BEGAIN: variants seen among roughly 807,000 people sequenced by gnomAD.
The protein encoded by BEGAIN is brain-enriched guanylate kinase-associated protein.
A neutral mutation model predicts 35.8 loss-of-function variants in BEGAIN; 19 were observed. The ratio of observed to expected loss-of-function variants is 0.53; its 90% CI spans 0.37 to 0.78. The LOEUF is 0.78. Among genes scored for constraint, BEGAIN ranks in the 30% least tolerant of loss-of-function variants. The pLI, the probability that BEGAIN is intolerant of heterozygous loss-of-function variation, is 0.00. For synonymous variants in BEGAIN, 462 were observed against 388.6 expected, an observed-to-expected ratio of 1.19 and a Z score of -2.22; for missense variants, 795 against 853.6, an observed-to-expected ratio of 0.93 and a Z score of 0.85.
At chr14:100,553,641 C>T (rs1235476090) in intron 2 of BEGAIN, among the ~76,000 whole-genome samples, 3 of 152,138 alleles carry the variant, frequency 2.0e-5, no homozygotes, top group Admixed American at 2.0e-4. Flanking sequence ...GTCCCCAGGT[C>T]CTCTCCTCTG....
At position 100,573,219 on chromosome 14, in the gene BEGAIN, T is replaced by C. The variant is rs566962610; in HGVS notation, c.43-5280A>G. 2.4e-5 allele frequency among the ~76,000 whole-genome samples: 1 copy of C among 42,198 alleles called. No individual in the cohort carries two copies. 27.7% of individuals were successfully genotyped at this position (42,198 alleles called of 152,430 possible). On this transcript the variant is annotated intron_variant, in intron 1 of 6. Coordinates refer to ENST00000554140, the MANE Select transcript of BEGAIN (RefSeq NM_001385089.1). The surrounding 1 kb of genome is among the most constrained non-coding windows in gnomAD (Gnocchi z 4.2). ...TTCCGGAGGAGGGGGCTGGTGAGTC[T>C]GGGGGGAGGGGCTTCCGGAGGAGGG...
rs576411536 is a variant in BEGAIN at position 100,558,207 on chromosome 14, T to C, written c.71+9704A>G. Among the ~76,000 whole-genome samples the C allele has an allele frequency of 6.6e-6, 1 of 152,302 alleles. No individual in the cohort carries two copies. Among genetic ancestry groups the C allele is most frequent in the African/African-American group, 2.4e-5 (1 of 41,552 alleles). On this transcript the variant is annotated intron_variant, in intron 2 of 6. Coordinates refer to ENST00000554140, the MANE Select transcript of BEGAIN (RefSeq NM_001385089.1). The surrounding 1 kb of genome is among the most constrained non-coding windows in gnomAD (Gnocchi z 4.6). ...CTGATCAATGAAAGTGTCTGACCTT[T>C]CTGCCTCTGCCTCCTTACTCCTAGC... is the stretch of plus-strand genomic sequence containing the variant.
chr14:100,565,045 C>A (rs1228841080), intron 2 of BEGAIN, among the ~76,000 whole-genome samples: 1 of 152,222 alleles, frequency 6.6e-6, no homozygotes, highest in Non-Finnish European at 1.5e-5. Context: ...AACCTGGGAC[C>A]CCAGAGCATT....
chr14:100,545,952 A>G (rs778328292), intron 3 of BEGAIN: 1 of 152,428 alleles, frequency 6.6e-6, no homozygotes, highest in Admixed American at 6.5e-5. Flanking sequence ...GAGAAAGTGC[A>G]TATTACATTT....
In BEGAIN at chr14:100,537,941, A is replaced by AACC. The variant is rs754981133; in HGVS notation, c.*25_*27dup. The stretch of plus-strand genomic sequence containing the variant: ...GGGGCACGTGGGCTGGCGGGGAGCG[A>AACC]ACCACGGCCAGGCCTGCACGCAGGC... On this transcript the variant is annotated 3_prime_UTR_variant, in exon 7 of 7. Coordinates refer to ENST00000554140, the MANE Select transcript of BEGAIN (RefSeq NM_001385089.1). 2.5e-6 allele frequency: 4 copies of AACC among 1,579,916 alleles called. No individual in the cohort carries two copies. The highest frequency in any genetic ancestry group is 3.4e-6 in the Non-Finnish European group (4 of 1,164,232).
At position 100,546,601 on chromosome 14, in the gene BEGAIN, C is replaced by T. The variant is rs776623931; in HGVS notation, c.133G>A (p.Glu45Lys). The change falls in exon 3 of 7, where the codon GAG becomes AAG. Residue 45 changes from glutamate (E) to lysine (K), a missense_variant. Physicochemically the swap from Glu to Lys is moderately conservative, Grantham distance 56 (BLOSUM62 1). This residue lies in a region of BEGAIN where 58 missense variants were observed against 62.7 expected (regional missense o/e 0.92). Transcript: ENST00000554140. ...GAGTCGAACTCGGTCTCGAGCTTCT[C>T]GAGCTTGTGTGTGGTGTAGGACAGC... ...KRLSYTTHKL[E>K]KLETEFDSTR... 6.9e-6 allele frequency: 11 copies of T among 1,592,886 alleles called. No homozygotes were observed. Among genetic ancestry groups the T allele is most frequent in the Non-Finnish European group, 9.4e-6 (11 of 1,172,530 alleles).
intron 1 of BEGAIN, among the ~76,000 whole-genome samples, chr14:100,577,082 A>C (rs2035218456): frequency 6.6e-6 from 1 of 152,242 alleles, no homozygotes; most frequent in South Asian, 2.1e-4. Context: ...GGAGGGGATT[A>C]TTATAATTGT....
At position 100,567,813 on chromosome 14, in the gene BEGAIN, G is replaced by A. The variant is rs911160162; in HGVS notation, c.71+98C>T. ...GCCGAGGCCGCCCGCGGGCCCTGGG[G>A]GATGCGCTCGGGTGGAGCCCCCTTC... On this transcript the variant is annotated intron_variant, in intron 2 of 6. Transcript: ENST00000554140. The surrounding 1 kb of genome is among the most constrained non-coding windows in gnomAD (Gnocchi z 5.1). The A allele has an allele frequency of 2.6e-5, 33 of 1,284,732 alleles. No individual in the cohort carries two copies. The highest frequency in any genetic ancestry group is 1.8e-4 in the African/African-American group (11 of 62,570). The allele number at this position is 1,284,732 out of a possible 1,614,324, so 79.6% of individuals were successfully genotyped here.
At chr14:100,570,861 C>T (rs1472340528) in intron 1 of BEGAIN, among the ~76,000 whole-genome samples, 1 of 152,208 alleles carries the variant, frequency 6.6e-6, no homozygotes. Context: ...CGGAGGCCAG[C>T]GCATGAAGTG....
In BEGAIN at chr14:100,562,166, CAA is replaced by C. The variant is rs760303312; in HGVS notation, c.71+5743_71+5744del. On this transcript the variant is annotated intron_variant, in intron 2 of 6. Transcript: ENST00000554140. ...GGGGTAGTGGGTGGGTTGGAGGAGA[CAA>C]GAGATGGAGAGCAGGGGGCCTGGGG... Among the ~76,000 whole-genome samples, 10 of 152,072 alleles carry C rather than the reference CAA, an allele frequency of 6.6e-5. No individual in the cohort carries two copies. The East Asian group carries it at 9.7e-4, about 15-fold the overall frequency.
chr14:100,587,070 C>A (rs541254468), intron 1 of BEGAIN, among the ~76,000 whole-genome samples, 179 bp downstream of exon 1: 1,713 of 151,678 alleles, frequency 0.011, 15 homozygotes, highest in Middle Eastern at 0.052. Flanking sequence ...CCCAGGAGAC[C>A]CGGCCCGGCT....
chr14:100,578,730 C>T (rs538938763), intron 1 of BEGAIN, among the ~76,000 whole-genome samples: 2 of 152,238 alleles, frequency 1.3e-5, no homozygotes, highest in East Asian at 3.9e-4. Flanking sequence ...CCATTTTGCA[C>T]CATGAGACAA....
Position 100,570,772 on chromosome 14 carries a change from G to A in BEGAIN, c.43-2833C>T, listed in dbSNP as rs1026701939. Among the ~76,000 whole-genome samples the A allele has an allele frequency of 3.9e-5, 6 of 152,098 alleles. 1 individual carries two copies. Among genetic ancestry groups the A allele is most frequent in the Admixed American group, 3.9e-4 (6 of 15,276 alleles). ...GGCTCCTGCACGGGCCCAGCACCCC[G>A]GGTGCAAGTTTTGATTCAGCCATTC... is the stretch of plus-strand genomic sequence containing the variant. On this transcript the variant is annotated intron_variant, in intron 1 of 6. Transcript: ENST00000554140.
chr14:100,580,227 C>T (rs375735958), intron 1 of BEGAIN, among the ~76,000 whole-genome samples: 14 of 152,244 alleles, frequency 9.2e-5, no homozygotes, highest in Middle Eastern at 3.4e-3. Context: ...CACTTGAACC[C>T]GGGAGGCAGA....
chr14:100,582,387 C>T (rs1358921615), intron 1 of BEGAIN, among the ~76,000 whole-genome samples: 1 of 152,194 alleles, frequency 6.6e-6, no homozygotes, highest in Non-Finnish European at 1.5e-5. Flanking sequence ...TCGTGATCGG[C>T]CCACCTCGGC....
At chr14:100,577,631 G>A (rs2035229657) in intron 1 of BEGAIN, 2 of 399,116 alleles carry the variant, frequency 5.0e-6, no homozygotes, top group Non-Finnish European at 8.8e-6. Context: ...GAGAAGGGCA[G>A]TCTGGCCTCC....
chr14:100,580,436 C>T (rs2035292177), intron 1 of BEGAIN, among the ~76,000 whole-genome samples: 1 of 152,188 alleles, frequency 6.6e-6, no homozygotes, highest in African/African-American at 2.4e-5. Flanking sequence ...TACCCTCCCG[C>T]CCCGTGCTCC....
chr14:100,544,929 G>A, intron 4 of BEGAIN, 71 bp downstream of exon 4: 5 of 1,486,760 alleles, frequency 3.4e-6, no homozygotes, highest in Non-Finnish European at 4.6e-6. Flanking sequence ...TGGCCCAGGG[G>A]TGTCAGCTGG....
At chr14:100,540,098 C>T (rs2031363457) in intron 6 of BEGAIN, 1 of 188,750 alleles carries the variant, frequency 5.3e-6, no homozygotes, top group Non-Finnish European at 1.1e-5. Context: ...TCAGCCACGC[C>T]CTCTTTCCTG....
Sources: allele counts gnomAD v4.1 joint callset (sites outside exome capture counted in the v4.1 genomes callset), GRCh38; gene constraint gnomAD v4.1.1; regional missense constraint gnomAD v4.1.1; non-coding constraint Gnocchi (gnomAD v3.1); transcripts MANE v1.5; gene names NCBI Gene and HGNC (gene_info 2026-07-23, HGNC 2026-07-21).